CLSPN: variants seen among roughly 807,000 people sequenced by gnomAD.
CLSPN encodes the protein claspin.
A neutral mutation model predicts 156.3 loss-of-function variants in CLSPN; 85 were observed. That is an observed-to-expected ratio of 0.54 (90% CI 0.46 to 0.65). The LOEUF is 0.65. CLSPN is among the 30% of genes least tolerant of loss of function. CLSPN has a pLI of 0.00. For synonymous variants in CLSPN, 534 were observed against 542.4 expected (o/e 0.98, Z 0.22); for missense variants, 1,407 against 1,554.9 (o/e 0.90, Z 1.60).
chr1:35,738,679 G>T, intron 20 of CLSPN, 97 bp from the exon 21 acceptor site: 1 of 1,243,534 alleles, frequency 8.0e-7, no homozygotes, highest in Non-Finnish European at 1.1e-6. Flanking sequence ...ACTATATAAT[G>T]ATGTAAACTT....
At position 35,735,518 on chromosome 1, in the gene CLSPN, G is replaced by A; in HGVS notation, c.*978C>T. 1.5e-6 allele frequency: 1 copy of A among 645,400 alleles called. No homozygotes were observed. Among genetic ancestry groups the A allele is most frequent in the Non-Finnish European group, 1.9e-6 (1 of 519,776 alleles). The allele number at this position is 645,400 out of a possible 1,614,324, so 40.0% of individuals were successfully genotyped here. A position where few individuals can be genotyped will look rare whatever the true frequency, so the allele number is the denominator to read the frequency against. ...AGGTCAGGAGATCGAGACCAGCCTG[G>A]CCAACATGGTGACTCCCTGTCTCCA... On this transcript the variant is annotated 3_prime_UTR_variant, in exon 25 of 25. Coordinates refer to ENST00000318121, the MANE Select transcript of CLSPN (RefSeq NM_022111.4).
chr1:35,768,175 C>A (rs1642735104), intron 1 of CLSPN, among the ~76,000 whole-genome samples: 1 of 152,148 alleles, frequency 6.6e-6, no homozygotes, highest in Non-Finnish European at 1.5e-5. Flanking sequence ...CGAGACTAGC[C>A]TGGCCAATAC....
chr1:35,729,762 C>A (rs532754307), downstream of CLSPN, among the ~76,000 whole-genome samples: 4 of 152,326 alleles, frequency 2.6e-5, no homozygotes, highest in African/African-American at 9.6e-5. Context: ...CCTTCCCACT[C>A]AGCTCTACCC....
At chr1:35,758,202 C>T (rs1340365146) in intron 8 of CLSPN, among the ~76,000 whole-genome samples, 3 of 150,896 alleles carry the variant, frequency 2.0e-5, no homozygotes, top group African/African-American at 2.4e-5. Context: ...GACAGGGTCT[C>T]GTTCTGTCTC....
At chr1:35,763,590 T>G (rs1379468887) in intron 3 of CLSPN, among the ~76,000 whole-genome samples, 1 of 152,172 alleles carries the variant, frequency 6.6e-6, no homozygotes, top group Non-Finnish European at 1.5e-5. Flanking sequence ...GTTTATAAAT[T>G]TGAGGATGGT....
rs1244015364 is a variant in CLSPN at position 35,743,189 on chromosome 1, T to A, written c.3095A>T (p.Asp1032Val). Residue 1032 changes from aspartate to valine, a missense_variant, in exon 18 of 25, where the codon GAT becomes GTT. Asp to Val is a radical substitution (Grantham distance 152). Coordinates refer to ENST00000318121, the MANE Select transcript of CLSPN (RefSeq NM_022111.4). ...TCGCTTCAGGAGTTCTTCTTCATCA[T>A]CATCTTCATGGTCTTCCAGTGCCAG... ...NDLALEDHED[D>V]DEEELLKRSE... 1.2e-5 allele frequency: 19 copies of A among 1,614,166 alleles called. No individual in the cohort carries two copies. The East Asian group carries it at 2.2e-4, about 19-fold the overall frequency.
chr1:35,722,759 G>A (rs1163062052), intron 24 of CLSPN, among the ~76,000 whole-genome samples: 1 of 151,934 alleles, frequency 6.6e-6, no homozygotes, highest in African/African-American at 2.4e-5. Flanking sequence ...AGCCTCCTGA[G>A]TAGCTGAGAC....
At chr1:35,755,329 T>C (rs140049653) in intron 8 of CLSPN, among the ~76,000 whole-genome samples, 2,088 of 151,718 alleles carry the variant, frequency 0.014, 38 homozygotes, top group African/African-American at 0.047. Flanking sequence ...TGCAGTGGCA[T>C]GATCTCGGCT....
rs1268527308 is a variant in CLSPN, at chr1:35,751,167, G to A, written c.2028+83C>T. 52 of 1,521,752 alleles carry A rather than the reference G, an allele frequency of 3.4e-5. 1 individual carries two copies. In the Admixed American group the frequency reaches 1.0e-3, roughly 30 times the overall value. The allele number at this position is 1,521,752 out of a possible 1,614,324, so 94.3% of individuals were successfully genotyped here. On this transcript the variant is annotated intron_variant, in intron 10 of 24. Coordinates refer to ENST00000318121, the MANE Select transcript of CLSPN (RefSeq NM_022111.4). ...TAAAACCTCTTATACAATTGAACATGCTTATTATACTCTTTTTCAAGTCTG... is the reference window on the plus strand; with the variant it reads ...TAAAACCTCTTATACAATTGAACATACTTATTATACTCTTTTTCAAGTCTG...
intron 1 of CLSPN, among the ~76,000 whole-genome samples, chr1:35,769,584 G>A (rs1240507531): frequency 3.3e-5 from 5 of 152,226 alleles, no homozygotes; most frequent in African/African-American, 1.2e-4. Flanking sequence ...AGAGGGGCTG[G>A]GCTGCCGGCA....
Position 35,764,363 on chromosome 1 carries a change from G to A in CLSPN, c.485C>T (p.Ala162Val). 6.2e-7 allele frequency: 1 copy of A among 1,609,020 alleles called. No homozygotes were observed. The change falls in exon 3 of 25, where the codon GCA becomes GTA. Residue 162 changes from alanine (A) to valine (V), a missense_variant. Ala to Val is a moderately conservative substitution (Grantham distance 64). Around this residue, in one of 3 missense-constraint regions of CLSPN, gnomAD observed 1,096 missense variants for 1,193.0 expected, o/e 0.92. Transcript: ENST00000318121. ...KKHIHDKEGT[A>V]GKAKVKSKRR... Reference sequence around the variant, plus strand: ...TTTTGATTTTACTTTTGCTTTTCCTGCAGTTCCTTCTTTATCATGTATGTG... The same window carrying A: ...TTTTGATTTTACTTTTGCTTTTCCTACAGTTCCTTCTTTATCATGTATGTG...
At chr1:35,748,139 C>T in intron 13 of CLSPN, 78 bp from the exon 14 acceptor site, 1 of 1,510,426 alleles carries the variant, frequency 6.6e-7, no homozygotes, top group Non-Finnish European at 9.0e-7. Context: ...ACAAAAGTTG[C>T]TATTTGCAAT....
At chr1:35,743,107 C>A in intron 18 of CLSPN, 34 bp downstream of exon 18, 1 of 1,554,042 alleles carries the variant, frequency 6.4e-7, no homozygotes, top group Non-Finnish European at 8.9e-7. Context: ...ATTTTAAATA[C>A]ACCTGAAGGA....
intron 8 of CLSPN, among the ~76,000 whole-genome samples, chr1:35,758,567 C>T (rs1642362502): frequency 6.6e-6 from 1 of 151,978 alleles, no homozygotes; most frequent in African/African-American, 2.4e-5. Context: ...ATTGCTTGAA[C>T]CCAGGAGGCG....
In CLSPN at chr1:35,762,605, C is replaced by G. The variant is rs896760177; in HGVS notation, c.745-124G>C. Reference sequence around the variant, plus strand: ...ACATTAATAAATCAATAATCATCAACTAGAAATTATTAAACACACAGCATC... The same window carrying G: ...ACATTAATAAATCAATAATCATCAAGTAGAAATTATTAAACACACAGCATC... On this transcript the variant is annotated intron_variant, in intron 4 of 24. Coordinates refer to ENST00000318121, the MANE Select transcript of CLSPN (RefSeq NM_022111.4). 8.4e-5 allele frequency: 59 copies of G among 704,280 alleles called. No homozygotes were observed. The Middle Eastern group carries it at 3.3e-3, about 39-fold the overall frequency. The allele number at this position is 704,280 out of a possible 1,614,324, so 43.6% of individuals were successfully genotyped here. A position where few individuals can be genotyped will look rare whatever the true frequency, so the allele number is the denominator to read the frequency against.
At position 35,747,954 on chromosome 1, in the gene CLSPN, C is replaced by G. The variant is rs1231875395; in HGVS notation, c.2580G>C (p.Gln860His). The change falls in exon 14 of 25, where the codon CAG becomes CAC. Residue 860 changes from glutamine to histidine, a missense_variant. Physicochemically the swap from Gln to His is conservative, Grantham distance 24. Around this residue, in one of 3 missense-constraint regions of CLSPN, gnomAD observed 1,096 missense variants for 1,193.0 expected, o/e 0.92. Transcript: ENST00000318121. ...KTLFLGAGDF[Q>H]FCLEDDTQSQ... ...TCTGAGTGTCATCTTCTAAACAGAACTGGAAGTCTCCTGCTCCTAGGAAAA... is the reference window on the plus strand; with the variant it reads ...TCTGAGTGTCATCTTCTAAACAGAAGTGGAAGTCTCCTGCTCCTAGGAAAA... 4 of 1,614,194 alleles carry G rather than the reference C, an allele frequency of 2.5e-6. No individual in the cohort carries two copies. The highest frequency in any genetic ancestry group is 3.4e-6 in the Non-Finnish European group (4 of 1,180,030).
At chr1:35,730,900 T>C (rs1641301887), downstream of CLSPN, among the ~76,000 whole-genome samples, 1 of 151,660 alleles carries the variant, frequency 6.6e-6, no homozygotes, top group African/African-American at 2.4e-5. Flanking sequence ...AAAGGTAACC[T>C]AATTAAGAAA....
chr1:35,768,511 G>T (rs1489912080), intron 1 of CLSPN, among the ~76,000 whole-genome samples: 8 of 151,890 alleles, frequency 5.3e-5, no homozygotes, highest in Admixed American at 6.6e-5. Flanking sequence ...AGGCCCAAAG[G>T]ATTCTCTCAC....
At chr1:35,730,700 C>T (rs971446696), downstream of CLSPN, among the ~76,000 whole-genome samples, 1 of 147,722 alleles carries the variant, frequency 6.8e-6, no homozygotes, top group Non-Finnish European at 1.5e-5. Flanking sequence ...CCGTCTCTAT[C>T]AAAAATACAA....
Sources: gnomAD v4.1 joint callset for allele counts (sites outside exome capture counted in the v4.1 genomes callset) on GRCh38, gnomAD v4.1.1 for gene constraint, gnomAD v4.1.1 regional missense constraint, MANE v1.5 for transcripts, NCBI Gene and HGNC (gene_info 2026-07-23, HGNC 2026-07-21) for gene names.